The following MTHFD1L variants were observed in gnomAD, a reference collection of about 807,000 sequenced individuals.
MTHFD1L encodes methylenetetrahydrofolate dehydrogenase (NADP+ dependent) 1 like.
MTHFD1L carries 81 observed loss-of-function variants against 119.5 expected under a neutral mutation model. That is an observed-to-expected ratio of 0.68 (90% CI 0.57 to 0.82). MTHFD1L has a LOEUF of 0.82. Among genes scored for constraint, MTHFD1L ranks in the 40% least tolerant of loss-of-function variants. The probability of loss-of-function intolerance (pLI) is 0.00; values close to 1 mark genes in which losing one functional copy is unlikely to be tolerated. For synonymous variants in MTHFD1L, 430 were observed against 475.2 expected (o/e 0.90, Z 1.24); for missense variants, 1,125 against 1,253.4 (o/e 0.90, Z 1.55).
chr6:151,036,925 C>A lies in MTHFD1L; in HGVS notation c.2695-40C>A, dbSNP rs1346971776. 3.1e-6 allele frequency: 5 copies of A among 1,609,014 alleles called. No individual in the cohort carries two copies. The Admixed American group carries it at 5.0e-5, about 16-fold the overall frequency. The stretch of plus-strand genomic sequence containing the variant: ...CAAATTGAAAAGCACAGGAGACTAA[C>A]ATCTGTATCAGTGAACACATTTTCT... On this transcript the variant is annotated intron_variant, in intron 25 of 27. Transcript: ENST00000367321.
intron 24 of MTHFD1L, among the ~76,000 whole-genome samples, chr6:151,024,638 G>A (rs540281458): frequency 1.2e-4 from 19 of 152,262 alleles, no homozygotes; most frequent in Non-Finnish European, 2.2e-4. Context: ...AGACCAGCCT[G>A]GCCAACATGG....
intron 4 of MTHFD1L, among the ~76,000 whole-genome samples, chr6:150,882,494 T>C (rs1781535425): frequency 6.6e-6 from 1 of 152,202 alleles, no homozygotes; most frequent in Non-Finnish European, 1.5e-5. Flanking sequence ...TGTCTTTTTC[T>C]GGCACAGAGT....
chr6:151,032,156 C>A (rs1176499482), intron 24 of MTHFD1L, among the ~76,000 whole-genome samples: 1 of 152,104 alleles, frequency 6.6e-6, no homozygotes, highest in Admixed American at 6.6e-5. Context: ...TATGCCATTA[C>A]CCTGTGTTAG....
In MTHFD1L at chr6:151,019,631, G is replaced by T. The variant is rs562331626; in HGVS notation, c.2586+3938G>T. Among the ~76,000 whole-genome samples the T allele has an allele frequency of 2.0e-4, 31 of 152,250 alleles. No homozygotes were observed. In the South Asian group the frequency reaches 6.2e-3, roughly 31 times the overall value. On this transcript the variant is annotated intron_variant, in intron 24 of 27. Coordinates refer to ENST00000367321, the MANE Select transcript of MTHFD1L (RefSeq NM_015440.5). ...CTCGCTTTTCTTGTAACAGAAATTCGATTTGAGCTGCATAATTGTTTGTTA... is the reference window on the plus strand; with the variant it reads ...CTCGCTTTTCTTGTAACAGAAATTCTATTTGAGCTGCATAATTGTTTGTTA...
intron 24 of MTHFD1L, among the ~76,000 whole-genome samples, chr6:151,024,153 G>A (rs1391689981): frequency 6.6e-6 from 1 of 152,012 alleles, no homozygotes; most frequent in African/African-American, 2.4e-5. Context: ...CACGGAACGA[G>A]CGTTGCACCT....
At chr6:151,077,726 C>T (rs1792682695) in intron 26 of MTHFD1L, among the ~76,000 whole-genome samples, 1 of 150,946 alleles carries the variant, frequency 6.6e-6, no homozygotes, top group Admixed American at 6.6e-5. Flanking sequence ...AAAACAAAAC[C>T]ATAATACTGG....
intron 24 of MTHFD1L, among the ~76,000 whole-genome samples, chr6:151,030,045 C>T (rs114651672): frequency 0.012 from 1,816 of 152,268 alleles, 30 homozygotes; most frequent in African/African-American, 0.041. Flanking sequence ...TCCTCCCTAC[C>T]GTTCTCACTC....
Position 151,013,789 on chromosome 6 carries a change from G to A in MTHFD1L, c.2276G>A (p.Gly759Asp), listed in dbSNP as rs1353930821. 2 of 1,612,546 alleles carry A rather than the reference G, an allele frequency of 1.2e-6. No homozygotes were observed. Among genetic ancestry groups the A allele is most frequent in the South Asian group, 2.2e-5 (2 of 90,874 alleles). Reference sequence around the variant, plus strand: ...CTCTCCTTATTTCAGGTAACGGCTGGTGTTCCTCTTAAGAAAGAATATACA... The same window carrying A: ...CTCTCCTTATTTCAGGTAACGGCTGATGTTCCTCTTAAGAAAGAATATACA... ...MHGGGPSVTA[G>D]VPLKKEYTEE... Residue 759 changes from glycine (G) to aspartate (D), a missense_variant, in exon 22 of 28, where the codon GGT (glycine) becomes GAT (aspartate). This residue lies in a region of MTHFD1L where 1,058 missense variants were observed against 1,151.2 expected (regional missense o/e 0.92). Coordinates refer to ENST00000367321, the MANE Select transcript of MTHFD1L (RefSeq NM_015440.5).
chr6:151,054,375 T>A (rs959028095), intron 26 of MTHFD1L, among the ~76,000 whole-genome samples: 20 of 152,158 alleles, frequency 1.3e-4, no homozygotes, highest in African/African-American at 4.3e-4. Context: ...TGGGGGATCT[T>A]TGCAGCATTG....
At chr6:151,030,404 G>A (rs7746991) in intron 24 of MTHFD1L, among the ~76,000 whole-genome samples, 32,041 of 152,120 alleles carry the variant, frequency 0.21, 3,828 homozygotes, top group Middle Eastern at 0.3. Context: ...CACCCTTCTG[G>A]GAGCTGACTT....
At chr6:150,953,834 A>G (rs1026515123) in intron 16 of MTHFD1L, among the ~76,000 whole-genome samples, 1 of 152,236 alleles carries the variant, frequency 6.6e-6, no homozygotes, top group African/African-American at 2.4e-5. Flanking sequence ...CGTGTATACT[A>G]CAGAGCAGGA....
At chr6:150,958,444 T>C (rs1376061876) in intron 17 of MTHFD1L, among the ~76,000 whole-genome samples, 1 of 152,200 alleles carries the variant, frequency 6.6e-6, no homozygotes, top group Non-Finnish European at 1.5e-5. Context: ...TTATTCCAGA[T>C]GTGTGATTGC....
chr6:150,869,669 T>C (rs556448490), intron 1 of MTHFD1L, among the ~76,000 whole-genome samples: 3 of 152,180 alleles, frequency 2.0e-5, no homozygotes, highest in Non-Finnish European at 2.9e-5. Context: ...ATTGTACCTT[T>C]CAATTGAGTT....
chr6:151,015,379 A>T, intron 23 of MTHFD1L, 137 bp from the exon 24 acceptor site: 3 of 979,266 alleles, frequency 3.1e-6, no homozygotes, highest in Non-Finnish European at 4.4e-6. Context: ...TGATTTATTT[A>T]AACACGATGT....
chr6:150,994,795 C>T (rs1358340914), intron 20 of MTHFD1L, among the ~76,000 whole-genome samples: 10 of 152,058 alleles, frequency 6.6e-5, no homozygotes, highest in African/African-American at 1.4e-4. Context: ...TTAGTTGAAT[C>T]GATTGGGATA....
chr6:150,964,675 GA>G (rs1453923858), intron 18 of MTHFD1L, among the ~76,000 whole-genome samples: 6 of 152,174 alleles, frequency 3.9e-5, no homozygotes, highest in Non-Finnish European at 5.9e-5. Flanking sequence ...TTCTTGCAAT[GA>G]AAGATTTGTT....
At chr6:151,005,769 C>A (rs561553141) in intron 20 of MTHFD1L, among the ~76,000 whole-genome samples, 2 of 152,038 alleles carry the variant, frequency 1.3e-5, no homozygotes, top group African/African-American at 4.8e-5. Context: ...AGTGAAACTC[C>A]GTTTCAAAAA....
intron 11 of MTHFD1L, among the ~76,000 whole-genome samples, chr6:150,929,321 T>C (rs1790597276): frequency 6.6e-6 from 1 of 152,216 alleles, no homozygotes; most frequent in African/African-American, 2.4e-5. Flanking sequence ...GGTAGGTGGG[T>C]TTGCAGGCTT....
At chr6:150,951,033 G>T (rs1333939580) in intron 16 of MTHFD1L, among the ~76,000 whole-genome samples, 9 of 125,914 alleles carry the variant, frequency 7.1e-5, no homozygotes, top group South Asian at 2.5e-4. Context: ...AAACTTTATG[G>T]TTTTTTTTTT....
Sources: gnomAD v4.1 joint callset for allele counts (sites outside exome capture counted in the v4.1 genomes callset) on GRCh38, gnomAD v4.1.1 for gene constraint, gnomAD v4.1.1 regional missense constraint, MANE v1.5 for transcripts, NCBI Gene and HGNC (gene_info 2026-07-23, HGNC 2026-07-21) for gene names.